Variants in DTNA observed in about 807,000 individuals in gnomAD.
DTNA encodes dystrophin-related protein 3.
Under a neutral mutation model 100.7 loss-of-function variants are expected in DTNA, and 43 were observed. The ratio of observed to expected loss-of-function variants is 0.43; its 90% CI spans 0.33 to 0.55. DTNA has a LOEUF of 0.55. Among genes scored for constraint, DTNA ranks in the 20% least tolerant of loss-of-function variants. DTNA has a pLI of 0.04. For missense variants in DTNA, 798 were observed against 953.9 expected (o/e 0.84, Z 2.15); for synonymous variants, 349 against 347.9 (o/e 1.00, Z -0.04).
chr18:34,570,053 C>A (rs910998265), intron 1 of DTNA, among the ~76,000 whole-genome samples: 1 of 152,174 alleles, frequency 6.6e-6, no homozygotes, highest in Non-Finnish European at 1.5e-5. Flanking sequence ...ATCAGTTGTC[C>A]TGTCTTCTCT....
chr18:34,637,838 G>A (rs2058824600), intron 1 of DTNA, among the ~76,000 whole-genome samples: 1 of 152,204 alleles, frequency 6.6e-6, no homozygotes, highest in Non-Finnish European at 1.5e-5. Context: ...GTCAGAATAA[G>A]GCCAATTAGC....
At chr18:34,534,136 A>G (rs561144537) in intron 1 of DTNA, among the ~76,000 whole-genome samples, 2 of 152,146 alleles carry the variant, frequency 1.3e-5, no homozygotes, top group South Asian at 2.1e-4. Context: ...AACTGAGGTC[A>G]GGAGTTTGAG....
At chr18:34,556,552 T>G (rs1463633630) in intron 1 of DTNA, among the ~76,000 whole-genome samples, 1 of 152,196 alleles carries the variant, frequency 6.6e-6, no homozygotes, top group Non-Finnish European at 1.5e-5. Context: ...AGGAGCGCTT[T>G]TAGGGCAGGC....
intron 1 of DTNA, among the ~76,000 whole-genome samples, chr18:34,550,957 C>T (rs1369104575): frequency 6.6e-6 from 1 of 152,182 alleles, no homozygotes. Flanking sequence ...TTGCATTCTG[C>T]ATTGTTCAAT....
chr18:34,867,434 C>G, intron 17 of DTNA: 2 of 1,226,246 alleles, frequency 1.6e-6, no homozygotes, highest in Non-Finnish European at 2.0e-6. Context: ...CACATACAGC[C>G]TGTATAATTG....
intron 1 of DTNA, among the ~76,000 whole-genome samples, chr18:34,604,824 G>C (rs1045764203): frequency 7.2e-5 from 11 of 152,088 alleles, no homozygotes; most frequent in African/African-American, 2.7e-4. Context: ...TATTGCTCCA[G>C]TTTCCTATAT....
chr18:34,827,876 A>G (rs147192119), intron 10 of DTNA, among the ~76,000 whole-genome samples, 200 bp downstream of exon 10: 1 of 152,286 alleles, frequency 6.6e-6, no homozygotes, highest in East Asian at 1.9e-4. Flanking sequence ...GATTAATGTC[A>G]TGTCTGGAAA....
chr18:34,702,637 C>T (rs1330095437), intron 1 of DTNA, among the ~76,000 whole-genome samples: 1 of 152,274 alleles, frequency 6.6e-6, no homozygotes, highest in Non-Finnish European at 1.5e-5. Context: ...GTCCCTTCCC[C>T]ATTCCAATTA....
At chr18:34,714,686 G>A (rs1182712944) in intron 1 of DTNA, among the ~76,000 whole-genome samples, 2 of 151,960 alleles carry the variant, frequency 1.3e-5, no homozygotes, top group Admixed American at 6.6e-5. Flanking sequence ...CGATTCCTCA[G>A]GGATCTAGAA....
intron 1 of DTNA, among the ~76,000 whole-genome samples, chr18:34,507,663 C>G (rs1017098359): frequency 6.6e-6 from 1 of 152,158 alleles, no homozygotes; most frequent in African/African-American, 2.4e-5. Context: ...TCTCACTCTA[C>G]TAGAGCAATG....
chr18:34,769,624 C>G (rs2093656487), intron 3 of DTNA, among the ~76,000 whole-genome samples: 1 of 151,788 alleles, frequency 6.6e-6, no homozygotes, highest in South Asian at 2.1e-4. Context: ...AATCAAGGCA[C>G]TGCCAGATTT....
chr18:34,882,401 C>G (rs8095787), intron 21 of DTNA, among the ~76,000 whole-genome samples, 200 bp downstream of exon 21: 1 of 151,942 alleles, frequency 6.6e-6, no homozygotes, highest in Admixed American at 6.6e-5. Context: ...CAGAATTTCA[C>G]TCTGTTGCCT....
At chr18:34,496,451 C>G (rs2039238249) in intron 1 of DTNA, among the ~76,000 whole-genome samples, 3 of 152,322 alleles carry the variant, frequency 2.0e-5, no homozygotes, top group Middle Eastern at 3.4e-3. Context: ...TTCCAGTTTT[C>G]TAGCGTCTGT....
At chr18:34,669,805 C>G (rs1429742646) in intron 1 of DTNA, among the ~76,000 whole-genome samples, 1 of 152,214 alleles carries the variant, frequency 6.6e-6, no homozygotes, top group Non-Finnish European at 1.5e-5. Context: ...CGCTGTTAGT[C>G]TGATGGGCTT....
chr18:34,716,805 C>A (rs1295632407), intron 1 of DTNA, among the ~76,000 whole-genome samples: 1 of 152,088 alleles, frequency 6.6e-6, no homozygotes, highest in Admixed American at 6.5e-5. Context: ...GTCTGTGAAT[C>A]CCTTTACCCA....
intron 1 of DTNA, among the ~76,000 whole-genome samples, chr18:34,524,158 C>G (rs1345961583): frequency 6.6e-6 from 1 of 152,046 alleles, no homozygotes; most frequent in African/African-American, 2.4e-5. Flanking sequence ...TGAGTTGGAC[C>G]ATATTACACA....
intron 1 of DTNA, among the ~76,000 whole-genome samples, chr18:34,535,618 G>T (rs1471352866): frequency 6.6e-6 from 1 of 151,974 alleles, no homozygotes; most frequent in Non-Finnish European, 1.5e-5. Flanking sequence ...GGGTTTGTAT[G>T]GTTTTAGGAT....
In DTNA at chr18:34,864,631, GTTTC is replaced by G. The variant is rs1254621195; in HGVS notation, c.1743+573_1743+576del. Among the ~76,000 whole-genome samples, 8 of 152,224 alleles carry G rather than the reference GTTTC, an allele frequency of 5.3e-5. No individual in the cohort carries two copies. The South Asian group carries it at 1.7e-3, about 32-fold the overall frequency. On this transcript the variant is annotated intron_variant, in intron 17 of 22. Coordinates refer to ENST00000444659, the MANE Select transcript of DTNA (RefSeq NM_001386795.1). ...GCAACTTCTTCTTGGCTTATTTCCA[GTTTC>G]TTTATGTCTGCAAGTAATAAAACTG...
intron 1 of DTNA, among the ~76,000 whole-genome samples, chr18:34,630,984 A>G (rs912199445): frequency 1.2e-4 from 19 of 152,166 alleles, no homozygotes; most frequent in African/African-American, 4.3e-4. Context: ...GAAGGACCTC[A>G]ACATCATAGG....
Sources: gnomAD v4.1 joint callset for allele counts (sites outside exome capture counted in the v4.1 genomes callset) on GRCh38, gnomAD v4.1.1 for gene constraint, MANE v1.5 for transcripts, NCBI Gene and HGNC (gene_info 2026-07-23, HGNC 2026-07-21) for gene names.